Variants in SYNE1 observed in about 807,000 individuals in gnomAD.
SYNE1 encodes spectrin repeat containing nuclear envelope protein 1.
Under a neutral mutation model 1,111.0 loss-of-function variants are expected in SYNE1, and 616 were observed. The ratio of observed to expected loss-of-function variants is 0.55; its 90% CI spans 0.52 to 0.59. SYNE1 has a LOEUF of 0.59. Ranked by LOEUF, SYNE1 falls within the 20% of genes least tolerant of loss-of-function variation. The pLI is 0.00. For synonymous variants in SYNE1, 3,855 were observed against 3,825.8 expected (o/e 1.01, Z -0.28); for missense variants, 10,006 against 10,417.0 (o/e 0.96, Z 1.72).
At chr6:152,566,985 CTGTGTGTGTGTGTGTGTGTGTGTGTG>C (rs59526151) in intron 3 of SYNE1, among the ~76,000 whole-genome samples, 3 of 146,552 alleles carry the variant, frequency 2.0e-5, no homozygotes, top group African/African-American at 7.6e-5. Flanking sequence ...TCTTCACATA[CTGTGTGTGTGTGTGTGTGTGTGTGTG>C]TGTGTGTGTG....
intron 11 of SYNE1, among the ~76,000 whole-genome samples, chr6:152,493,665 G>A (rs186455350): frequency 1.0e-3 from 155 of 152,032 alleles, no homozygotes; most frequent in Non-Finnish European, 1.3e-3. Context: ...CAACTCCCCC[G>A]TCAAAGGCCA....
At chr6:152,536,673 G>C (rs999799906) in intron 4 of SYNE1, among the ~76,000 whole-genome samples, 1 of 151,108 alleles carries the variant, frequency 6.6e-6, no homozygotes, top group African/African-American at 2.4e-5. Flanking sequence ...CAAGCCTCTT[G>C]TATTCCCTAT....
chr6:152,215,960 A>C (rs2078534381), intron 121 of SYNE1, among the ~76,000 whole-genome samples: 1 of 152,200 alleles, frequency 6.6e-6, no homozygotes, highest in Non-Finnish European at 1.5e-5. Context: ...AGCTGGTGAG[A>C]CTCAATCAAA....
rs1367001226 is a variant in SYNE1 at position 152,236,884 on chromosome 6, C to T, written c.20132G>A (p.Ser6711Asn). 6.2e-7 allele frequency: 1 copy of T among 1,614,066 alleles called. No individual in the cohort carries two copies. The highest frequency in any genetic ancestry group is 1.3e-5 in the African/African-American group (1 of 74,936). Residue 6711 changes from serine (S) to asparagine (N), a missense_variant, in exon 109 of 146, where the codon AGC (serine) becomes AAC (asparagine). By Grantham distance (46) the Ser-to-Asn change is conservative (BLOSUM62 1). This residue lies in a region of SYNE1 where 2,182 missense variants were observed against 2,287.8 expected (regional missense o/e 0.95). Coordinates refer to ENST00000367255, the MANE Select transcript of SYNE1 (RefSeq NM_182961.4). ...LSRQLEVVES[S>N]IPSVGLVEEN... ...CTCCACCAGACCCACGCTTGGGATG[C>T]TGCTTTCCACCACCTCCAGCTGTCT...
chr6:152,137,178 T>C (rs1308506852), intron 140 of SYNE1, among the ~76,000 whole-genome samples: 1 of 152,120 alleles, frequency 6.6e-6, no homozygotes, highest in Non-Finnish European at 1.5e-5. Flanking sequence ...AGCTACCATT[T>C]TGAAAATCAA....
intron 51 of SYNE1, 84 bp downstream of exon 51, chr6:152,395,432 C>T: frequency 6.9e-7 from 1 of 1,439,026 alleles, no homozygotes; most frequent in Non-Finnish European, 9.5e-7. Flanking sequence ...AACTAACTAA[C>T]CAATCAAAAC....
intron 3 of SYNE1, among the ~76,000 whole-genome samples, chr6:152,610,567 C>T (rs1027771806): frequency 6.6e-6 from 1 of 152,202 alleles, no homozygotes; most frequent in African/African-American, 2.4e-5. Context: ...TTGGAAAACA[C>T]TCTTCAGGAT....
chr6:152,363,497 CTAAATAAA>C (rs72461138), intron 63 of SYNE1, among the ~76,000 whole-genome samples: 21,087 of 144,024 alleles, frequency 0.15, 1,760 homozygotes, highest in Non-Finnish European at 0.17. Flanking sequence ...CCGTCTCAAA[CTAAATAAA>C]TAAATAAATA....
chr6:152,372,888 T>G (rs1217361611), intron 59 of SYNE1, 149 bp downstream of exon 59: 1 of 836,634 alleles, frequency 1.2e-6, no homozygotes, highest in Non-Finnish European at 2.0e-6. Flanking sequence ...GGCTATTCCT[T>G]ACTGTTAGCC....
Position 152,462,877 on chromosome 6 carries a change from T to C in SYNE1, c.2111A>G (p.Asp704Gly), listed in dbSNP as rs2098742474. The change falls in exon 20 of 146, where the codon GAT (aspartate) becomes GGT (glycine). Residue 704 changes from aspartate to glycine, a missense_variant. Around this residue, in one of 7 missense-constraint regions of SYNE1, gnomAD observed 1,971 missense variants for 2,084.1 expected, o/e 0.95. Coordinates refer to ENST00000367255, the MANE Select transcript of SYNE1 (RefSeq NM_182961.4). ...FMEVKQYAQA[D>G]EMDRMKKEYT... ...TTCCTTCTTCATTCTGTCCATCTCA[T>C]CAGCTTGAGCATACTGTTAAGGAAA... The C allele has an allele frequency of 6.2e-7, 1 of 1,613,808 alleles. No homozygotes were observed. Among genetic ancestry groups the C allele is most frequent in the South Asian group, 1.1e-5 (1 of 91,080 alleles).
intron 42 of SYNE1, among the ~76,000 whole-genome samples, chr6:152,412,400 G>A (rs552385774): frequency 6.6e-6 from 1 of 151,436 alleles, no homozygotes; most frequent in South Asian, 2.1e-4. Flanking sequence ...CTCCAGCCTG[G>A]GCGACAGAGC....
At chr6:152,387,472 T>C (rs1173525185) in intron 53 of SYNE1, 91 bp from the exon 54 acceptor site, 9 of 1,283,848 alleles carry the variant, frequency 7.0e-6, no homozygotes, top group South Asian at 2.4e-5. Flanking sequence ...ATGCCAATTG[T>C]TTTATTGAAT....
At chr6:152,243,791 TG>T (rs1291478546) in intron 106 of SYNE1, among the ~76,000 whole-genome samples, 2 of 152,254 alleles carry the variant, frequency 1.3e-5, no homozygotes, top group Non-Finnish European at 2.9e-5. Context: ...ATCTAACATG[TG>T]TGTCTGTGTG....
At chr6:152,221,139 G>T in intron 118 of SYNE1, 93 bp from the exon 119 acceptor site, 1 of 1,298,026 alleles carries the variant, frequency 7.7e-7, no homozygotes, top group South Asian at 1.2e-5. Context: ...TGGTTCATGT[G>T]AATATAGACA....
chr6:152,122,804 C>T, intron 145 of SYNE1, 128 bp from the exon 146 acceptor site: 1 of 1,419,882 alleles, frequency 7.0e-7, no homozygotes, highest in Non-Finnish European at 9.7e-7. Context: ...GATCAGCTGC[C>T]AGCCTTCCAC....
chr6:152,557,757 A>G (rs1237711837), intron 3 of SYNE1, among the ~76,000 whole-genome samples: 1 of 152,166 alleles, frequency 6.6e-6, no homozygotes, highest in Non-Finnish European at 1.5e-5. Flanking sequence ...AGACCTTCCT[A>G]GATAAACAAA....
intron 73 of SYNE1, among the ~76,000 whole-genome samples, chr6:152,345,967 C>T (rs573841867): frequency 6.6e-6 from 1 of 152,058 alleles, no homozygotes; most frequent in East Asian, 1.9e-4. Context: ...TAGATTAGAA[C>T]CCAGGCTGCA....
chr6:152,283,874 G>A (rs1589310805), intron 96 of SYNE1, 104 bp downstream of exon 96: 1 of 991,668 alleles, frequency 1.0e-6, no homozygotes, highest in South Asian at 1.4e-5. Context: ...GCTTAGGAGA[G>A]GGAAGCAATG....
Position 152,565,744 on chromosome 6 carries a change from C to T in SYNE1, c.68-25723G>A, listed in dbSNP as rs563184894. ...GAAAAAATAAGAGGGAGATGGTTTT[C>T]AGTTGTTTTACAAATAGGATTTCTT... On this transcript the variant is annotated intron_variant, in intron 3 of 145. Transcript: ENST00000367255. Among the ~76,000 whole-genome samples the T allele has an allele frequency of 4.0e-5, 6 of 151,482 alleles. No individual in the cohort carries two copies. In the East Asian group the frequency reaches 1.2e-3, roughly 29 times the overall value.
Sources: allele counts gnomAD v4.1 joint callset (sites outside exome capture counted in the v4.1 genomes callset), GRCh38; gene constraint gnomAD v4.1.1; regional missense constraint gnomAD v4.1.1; transcripts MANE v1.5; gene names NCBI Gene and HGNC (gene_info 2026-07-23, HGNC 2026-07-21).